The following SMAP1 variants were observed in gnomAD, a reference collection of about 807,000 sequenced individuals.
SMAP1 encodes the protein stromal membrane-associated protein 1.
Under a neutral mutation model 58.5 loss-of-function variants are expected in SMAP1, and 24 were observed. That is an observed-to-expected ratio of 0.41 (90% CI 0.30 to 0.58). The LOEUF is 0.58. Ranked by LOEUF, SMAP1 falls within the 20% of genes least tolerant of loss-of-function variation. SMAP1 has a pLI of 0.29. For missense variants in SMAP1, 563 were observed against 566.3 expected (o/e 0.99, Z 0.06); for synonymous variants, 216 against 196.6 (o/e 1.10, Z -0.82).
intron 3 of SMAP1, among the ~76,000 whole-genome samples, chr6:70,757,366 A>G (rs1432731675): frequency 6.6e-6 from 1 of 151,498 alleles, no homozygotes; most frequent in African/African-American, 2.4e-5. Context: ...ACAAAAATCA[A>G]TTCAAGATGG....
At chr6:70,710,586 T>A (rs928986074) in intron 1 of SMAP1, among the ~76,000 whole-genome samples, 1 of 150,894 alleles carries the variant, frequency 6.6e-6, no homozygotes, top group Non-Finnish European at 1.5e-5. Flanking sequence ...TTGCTCTGGG[T>A]AAGTCAGTGA....
intron 3 of SMAP1, among the ~76,000 whole-genome samples, chr6:70,759,266 C>A (rs911252304): frequency 1.1e-4 from 16 of 151,898 alleles, no homozygotes; most frequent in African/African-American, 3.4e-4. Context: ...TAATTTATTC[C>A]CTCTTTTTTT....
intron 1 of SMAP1, among the ~76,000 whole-genome samples, chr6:70,676,958 A>AT (rs1366554844): frequency 6.6e-6 from 1 of 151,548 alleles, no homozygotes; most frequent in Admixed American, 6.6e-5. Context: ...TTTAAAAAAA[A>AT]TTTTTTTGTT....
intron 6 of SMAP1, among the ~76,000 whole-genome samples, chr6:70,814,313 C>G (rs752518367): frequency 6.6e-6 from 1 of 152,132 alleles, no homozygotes; most frequent in Non-Finnish European, 1.5e-5. Flanking sequence ...AAAGTATCAA[C>G]AATGGCTTTT....
intron 1 of SMAP1, 136 bp downstream of exon 1, chr6:70,668,277 C>A: frequency 1.1e-6 from 1 of 885,786 alleles, no homozygotes; most frequent in Non-Finnish European, 1.6e-6. Flanking sequence ...GGGCGGGTGG[C>A]TGAGCGGGCG....
intron 7 of SMAP1, among the ~76,000 whole-genome samples, chr6:70,852,006 A>G (rs2150009306): frequency 6.6e-6 from 1 of 152,236 alleles, no homozygotes; most frequent in East Asian, 1.9e-4. Context: ...GATGTTTTAG[A>G]TCATCAAAAC....
At chr6:70,820,120 T>C (rs1769821763) in intron 6 of SMAP1, among the ~76,000 whole-genome samples, 1 of 152,190 alleles carries the variant, frequency 6.6e-6, no homozygotes, top group Non-Finnish European at 1.5e-5. Flanking sequence ...AAAGATAAGG[T>C]TCTGGAGCCA....
At chr6:70,689,794 A>AT (rs1181939748) in intron 1 of SMAP1, among the ~76,000 whole-genome samples, 12 of 151,944 alleles carry the variant, frequency 7.9e-5, no homozygotes, top group Middle Eastern at 3.4e-3. Flanking sequence ...TTTTTGTTAG[A>AT]TTTTTCCATA....
At chr6:70,719,040 C>T (rs937850638) in intron 1 of SMAP1, among the ~76,000 whole-genome samples, 1 of 151,902 alleles carries the variant, frequency 6.6e-6, no homozygotes, top group Non-Finnish European at 1.5e-5. Context: ...AATTGCATGA[C>T]TAAAGAAATG....
chr6:70,816,958 C>T (rs546105827), intron 6 of SMAP1, among the ~76,000 whole-genome samples: 2 of 151,802 alleles, frequency 1.3e-5, no homozygotes, highest in Non-Finnish European at 2.9e-5. Flanking sequence ...ACAAAAGAAG[C>T]AAATGTCTAT....
chr6:70,787,159 A>G (rs1199200954), intron 4 of SMAP1, among the ~76,000 whole-genome samples: 1 of 152,184 alleles, frequency 6.6e-6, no homozygotes, highest in Admixed American at 6.5e-5. Flanking sequence ...ATCTACAACT[A>G]TCTGATCTTT....
At chr6:70,755,962 A>G (rs1350627225) in intron 3 of SMAP1, among the ~76,000 whole-genome samples, 1 of 152,086 alleles carries the variant, frequency 6.6e-6, no homozygotes, top group African/African-American at 2.4e-5. Context: ...TGTTTGCTTT[A>G]TGAATCCACC....
intron 1 of SMAP1, among the ~76,000 whole-genome samples, chr6:70,704,739 G>A (rs908298119): frequency 6.6e-6 from 1 of 152,088 alleles, no homozygotes; most frequent in Admixed American, 6.6e-5. Flanking sequence ...TTAGTCAACC[G>A]TATCCATTAT....
At chr6:70,826,580 A>G (rs2149987494) in intron 6 of SMAP1, among the ~76,000 whole-genome samples, 1 of 152,100 alleles carries the variant, frequency 6.6e-6, no homozygotes, top group East Asian at 1.9e-4. Context: ...TCTGGGCAAC[A>G]TGGTGAAATT....
chr6:70,691,369 A>G (rs1767159900), intron 1 of SMAP1, among the ~76,000 whole-genome samples: 1 of 152,186 alleles, frequency 6.6e-6, no homozygotes, highest in Non-Finnish European at 1.5e-5. Flanking sequence ...AGATATTTTG[A>G]TATGGGCATA....
At position 70,861,752 on chromosome 6, in the gene SMAP1, G is replaced by T; in HGVS notation, c.*1418G>T. Reference sequence around the variant, plus strand: ...GTCCGAGTGTGCCACACGAGAACCTGAAGGGGAAGGAAATAGCTTGGGTAG... The same window carrying T: ...GTCCGAGTGTGCCACACGAGAACCTTAAGGGGAAGGAAATAGCTTGGGTAG... On this transcript the variant is annotated 3_prime_UTR_variant, in exon 11 of 11. Coordinates refer to ENST00000370455, the MANE Select transcript of SMAP1 (RefSeq NM_001044305.3). 6.2e-7 allele frequency: 1 copy of T among 1,614,104 alleles called. No homozygotes were observed. The highest frequency in any genetic ancestry group is 8.5e-7 in the Non-Finnish European group (1 of 1,179,982).
intron 3 of SMAP1, among the ~76,000 whole-genome samples, chr6:70,758,949 A>G (rs886273498): frequency 5.9e-5 from 9 of 152,126 alleles, no homozygotes; most frequent in African/African-American, 2.2e-4. Flanking sequence ...TTACACATAT[A>G]CATGGAGTTA....
At chr6:70,679,056 C>T (rs1437955247) in intron 1 of SMAP1, among the ~76,000 whole-genome samples, 1 of 148,590 alleles carries the variant, frequency 6.7e-6, no homozygotes, top group Admixed American at 6.7e-5. Flanking sequence ...TGGAGTCTTA[C>T]TCTGTCGCCC....
At chr6:70,772,170 C>G (rs980211637) in intron 3 of SMAP1, among the ~76,000 whole-genome samples, 3 of 152,330 alleles carry the variant, frequency 2.0e-5, no homozygotes, top group Admixed American at 6.5e-5. Context: ...AAAGTCTACA[C>G]AGACAGTGGC....
Sources: allele counts gnomAD v4.1 joint callset (sites outside exome capture counted in the v4.1 genomes callset), GRCh38; gene constraint gnomAD v4.1.1; transcripts MANE v1.5; gene names NCBI Gene and HGNC (gene_info 2026-07-23, HGNC 2026-07-21).